AGBL1: variants seen among roughly 807,000 people sequenced by gnomAD.
AGBL1 encodes the protein cytosolic carboxypeptidase 4.
Under a neutral mutation model 118.9 loss-of-function variants are expected in AGBL1, and 130 were observed. The observed-to-expected ratio is 1.09, with a 90% CI of 0.95 to 1.26. The LOEUF (loss-of-function observed/expected upper bound fraction) is 1.26. Among genes scored for constraint, AGBL1 ranks in the 50% most tolerant of loss-of-function variants. The pLI is 0.00. For missense variants in AGBL1, 1,584 were observed against 1,298.1 expected (o/e 1.22, Z -3.38); for synonymous variants, 555 against 478.9 (o/e 1.16, Z -2.08).
intron 17 of AGBL1, among the ~76,000 whole-genome samples, chr15:86,385,225 A>G (rs1002649813): frequency 1.5e-4 from 23 of 152,240 alleles, no homozygotes; most frequent in Admixed American, 2.0e-4. Context: ...CATTTTTACT[A>G]TCTATTGGGT....
chr15:86,346,072 T>C (rs1006393755), intron 17 of AGBL1, among the ~76,000 whole-genome samples: 2 of 151,682 alleles, frequency 1.3e-5, no homozygotes, highest in Non-Finnish European at 2.9e-5. Flanking sequence ...AACCACTGCC[T>C]CCTGGATTCA....
intron 3 of AGBL1, among the ~76,000 whole-genome samples, chr15:86,152,569 A>G (rs957697120): frequency 1.6e-4 from 25 of 152,220 alleles, no homozygotes; most frequent in Admixed American, 1.3e-4. Flanking sequence ...ACCCCAGAAG[A>G]AAACCTAGGC....
In AGBL1 at chr15:86,842,358, A is replaced by C. The variant is rs1411646972; in HGVS notation, c.3159-64729A>C. On this transcript the variant is annotated intron_variant, in intron 22 of 22. Coordinates refer to ENST00000614907, the MANE Select transcript of AGBL1 (RefSeq NM_001386094.1). ...TGAGCTCCTCAGATAGATCAATTTC[A>C]CTCTAATAAATCAAACCTTTGAAAC... 2.6e-5 allele frequency among the ~76,000 whole-genome samples: 4 copies of C among 152,078 alleles called. No homozygotes were observed. The South Asian group carries it at 6.2e-4, about 24-fold the overall frequency.
chr15:86,759,840 T>C (rs2077998853), intron 22 of AGBL1, among the ~76,000 whole-genome samples: 1 of 152,160 alleles, frequency 6.6e-6, no homozygotes, highest in Non-Finnish European at 1.5e-5. Context: ...TTGTAATCAT[T>C]TTTAAAAATC....
intron 1 of AGBL1, among the ~76,000 whole-genome samples, chr15:86,124,019 T>C (rs1281717246): frequency 6.6e-6 from 1 of 151,796 alleles, no homozygotes; most frequent in African/African-American, 2.4e-5. Flanking sequence ...TCTAGTAAAG[T>C]CCAGAGTTTA....
intron 1 of AGBL1, among the ~76,000 whole-genome samples, chr15:86,108,893 G>T (rs1464744471): frequency 6.6e-6 from 1 of 152,156 alleles, no homozygotes; most frequent in Non-Finnish European, 1.5e-5. Flanking sequence ...GGAGGTGGAG[G>T]TTGCAGTGAG....
At chr15:86,817,152 G>A (rs56207530) in intron 22 of AGBL1, among the ~76,000 whole-genome samples, 29,569 of 151,682 alleles carry the variant, frequency 0.19, 3,048 homozygotes, top group East Asian at 0.26. Context: ...TTAGCCAGGC[G>A]TGGTGGTCAG....
At chr15:86,415,903 CAAAG>C (rs1163293722) in intron 18 of AGBL1, among the ~76,000 whole-genome samples, 2 of 152,120 alleles carry the variant, frequency 1.3e-5, no homozygotes, top group African/African-American at 4.8e-5. Flanking sequence ...ACTGGAAAAA[CAAAG>C]AGAATATATC....
chr15:86,369,072 A>T (rs2080932194), intron 17 of AGBL1, among the ~76,000 whole-genome samples: 1 of 152,192 alleles, frequency 6.6e-6, no homozygotes, highest in African/African-American at 2.4e-5. Context: ...AGATGAAGAA[A>T]GTCTACCAAC....
At chr15:86,195,692 G>C (rs1025087491) in intron 5 of AGBL1, among the ~76,000 whole-genome samples, 4 of 152,094 alleles carry the variant, frequency 2.6e-5, no homozygotes, top group Admixed American at 2.6e-4. Flanking sequence ...TGTCCATATA[G>C]CATTTTTTAT....
At chr15:86,115,801 A>G (rs777675964) in intron 1 of AGBL1, among the ~76,000 whole-genome samples, 1 of 152,090 alleles carries the variant, frequency 6.6e-6, no homozygotes, top group Admixed American at 6.6e-5. Context: ...TGCCCCAGCT[A>G]TATCTCTGGT....
intron 16 of AGBL1, among the ~76,000 whole-genome samples, chr15:86,292,008 G>C (rs535883724): frequency 6.6e-6 from 1 of 152,182 alleles, no homozygotes; most frequent in East Asian, 1.9e-4. Flanking sequence ...TGGCTTTCTG[G>C]AACATCACAA....
chr15:86,228,203 T>G (rs1046265863), intron 6 of AGBL1, among the ~76,000 whole-genome samples: 14 of 152,190 alleles, frequency 9.2e-5, no homozygotes, highest in Non-Finnish European at 1.9e-4. Context: ...ATGTGGAATA[T>G]CTTTCGACTT....
chr15:86,987,298 C>T (rs1050216414), intron 23 of AGBL1, among the ~76,000 whole-genome samples: 4 of 152,106 alleles, frequency 2.6e-5, no homozygotes, highest in Admixed American at 6.5e-5. Context: ...ATTACATTTA[C>T]AATTGCTATT....
At chr15:86,556,841 T>G (rs1178480258) in intron 21 of AGBL1, among the ~76,000 whole-genome samples, 1 of 152,218 alleles carries the variant, frequency 6.6e-6, no homozygotes. Context: ...CCTTCCTTCA[T>G]AAGAATGTAA....
intron 7 of AGBL1, among the ~76,000 whole-genome samples, chr15:86,256,157 C>A (rs1242060319): frequency 6.6e-6 from 1 of 152,208 alleles, no homozygotes; most frequent in African/African-American, 2.4e-5. Context: ...CTCTGTCTCT[C>A]AATTTAGTGA....
intron 21 of AGBL1, among the ~76,000 whole-genome samples, chr15:86,631,733 A>C (rs1249436403): frequency 6.6e-6 from 1 of 152,120 alleles, no homozygotes; most frequent in Non-Finnish European, 1.5e-5. Flanking sequence ...TAGGGTAGCT[A>C]GAGGGCCCAG....
intron 22 of AGBL1, among the ~76,000 whole-genome samples, chr15:86,778,417 A>G (rs982434318): frequency 1.3e-5 from 2 of 152,198 alleles, no homozygotes; most frequent in Non-Finnish European, 2.9e-5. Flanking sequence ...TGGGAGTGCT[A>G]CGGGAGACTG....
At chr15:86,959,392 T>TA (rs1456176932) in intron 23 of AGBL1, among the ~76,000 whole-genome samples, 5 of 152,094 alleles carry the variant, frequency 3.3e-5, no homozygotes, top group Non-Finnish European at 7.4e-5. Flanking sequence ...ATGCTTCTTC[T>TA]AAAAAATGTC....
Sources: gnomAD v4.1 joint callset for allele counts (sites outside exome capture counted in the v4.1 genomes callset) on GRCh38, gnomAD v4.1.1 for gene constraint, MANE v1.5 for transcripts, NCBI Gene and HGNC (gene_info 2026-07-23, HGNC 2026-07-21) for gene names.